GMDS: variants seen among roughly 807,000 people sequenced by gnomAD.
The protein encoded by GMDS is GDP-mannose 4,6 dehydratase.
GMDS carries 20 observed loss-of-function variants against 49.9 expected under a neutral mutation model. The ratio of observed to expected loss-of-function variants is 0.40; its 90% CI spans 0.28 to 0.58. The LOEUF (loss-of-function observed/expected upper bound fraction) is 0.58. Among genes scored for constraint, GMDS ranks in the 20% least tolerant of loss-of-function variants. The pLI is 0.42. For missense variants in GMDS, 362 were observed against 481.4 expected (o/e 0.75, Z 2.32); for synonymous variants, 177 against 178.6 (o/e 0.99, Z 0.07).
At chr6:1,982,184 T>C (rs764398314) in intron 4 of GMDS, among the ~76,000 whole-genome samples, 2 of 152,132 alleles carry the variant, frequency 1.3e-5, no homozygotes, top group Non-Finnish European at 2.9e-5. Flanking sequence ...TAGGTGTCTG[T>C]AATCCTAGCT....
rs570339716 is a variant in GMDS at position 2,012,119 on chromosome 6, G to GA, written c.346-51154dup. Among the ~76,000 whole-genome samples the GA allele has an allele frequency of 4.0e-3, 611 of 152,208 alleles. 8 individuals are homozygous for GA. The highest frequency in any genetic ancestry group is 0.014 in the African/African-American group (579 of 41,534). ...AGATATCACAGACTTGGAAGGGCAG[G>GA]AGGGGGGTGAGGGATGAGAAATTAC... On this transcript the variant is annotated intron_variant, in intron 4 of 10. Coordinates refer to ENST00000380815, the MANE Select transcript of GMDS (RefSeq NM_001500.4).
chr6:1,808,857 T>G (rs1770288775), intron 7 of GMDS, among the ~76,000 whole-genome samples: 1 of 152,062 alleles, frequency 6.6e-6, no homozygotes, highest in East Asian at 1.9e-4. Flanking sequence ...TTAAAAAAAA[T>G]CCTAAGCTTG....
chr6:2,087,970 A>G (rs1773107448), intron 4 of GMDS, among the ~76,000 whole-genome samples: 1 of 152,166 alleles, frequency 6.6e-6, no homozygotes, highest in Non-Finnish European at 1.5e-5. Context: ...CCTAACCTAA[A>G]AGGGCTGAAA....
At chr6:2,081,478 T>A (rs1772690348) in intron 4 of GMDS, among the ~76,000 whole-genome samples, 1 of 152,150 alleles carries the variant, frequency 6.6e-6, no homozygotes, top group Non-Finnish European at 1.5e-5. Context: ...CACATCCCTC[T>A]GCTCTGGAAT....
intron 1 of GMDS, among the ~76,000 whole-genome samples, chr6:2,154,863 CAAAAAAAAAAAA>C (rs70992124): frequency 1.5e-5 from 1 of 65,626 alleles, no homozygotes; most frequent in Non-Finnish European, 3.0e-5. Flanking sequence ...TGAAGAGATG[CAAAAAAAAAAAA>C]AAAAAAAAAA....
intron 9 of GMDS, among the ~76,000 whole-genome samples, chr6:1,668,442 G>A (rs1764302870): frequency 6.6e-6 from 1 of 152,202 alleles, no homozygotes; most frequent in African/African-American, 2.4e-5. Flanking sequence ...AGGCGCAATG[G>A]CTCATGCCTG....
chr6:1,729,333 G>A (rs1461319968), intron 8 of GMDS, among the ~76,000 whole-genome samples: 5 of 152,174 alleles, frequency 3.3e-5, no homozygotes, highest in African/African-American at 4.8e-5. Flanking sequence ...TCCCCTGCAC[G>A]ACTTTCTTGC....
chr6:1,750,640 G>T (rs1030224582), intron 7 of GMDS, among the ~76,000 whole-genome samples: 1 of 152,104 alleles, frequency 6.6e-6, no homozygotes, highest in Admixed American at 6.5e-5. Context: ...TGGGTTTCAA[G>T]CACAAAACTG....
chr6:1,924,849 T>C (rs1009331557), intron 7 of GMDS, among the ~76,000 whole-genome samples: 1 of 152,106 alleles, frequency 6.6e-6, no homozygotes, highest in Non-Finnish European at 1.5e-5. Context: ...TAAAAGCAGG[T>C]TGTAGAGGGG....
intron 7 of GMDS, among the ~76,000 whole-genome samples, chr6:1,916,782 G>C (rs1205857469): frequency 6.6e-6 from 1 of 152,112 alleles, no homozygotes; most frequent in Non-Finnish European, 1.5e-5. Context: ...TGTTTTCCCA[G>C]AGGCCCAGGC....
intron 4 of GMDS, among the ~76,000 whole-genome samples, chr6:2,080,595 CTGTGATT>C (rs1313202339): frequency 6.6e-6 from 1 of 152,150 alleles, no homozygotes; most frequent in Non-Finnish European, 1.5e-5. Flanking sequence ...CACCAGTTAT[CTGTGATT>C]TCCTCAGTAG....
chr6:2,032,293 G>A (rs919525411), intron 4 of GMDS, among the ~76,000 whole-genome samples: 1 of 152,166 alleles, frequency 6.6e-6, no homozygotes, highest in East Asian at 1.9e-4. Context: ...CCAGGTCAAG[G>A]ATGCCTTAAG....
intron 1 of GMDS, among the ~76,000 whole-genome samples, chr6:2,125,066 C>A (rs886980726): frequency 6.6e-6 from 1 of 152,122 alleles, no homozygotes. Flanking sequence ...GTGAAACATG[C>A]AGAATATGGG....
intron 7 of GMDS, among the ~76,000 whole-genome samples, chr6:1,759,176 C>A (rs1479015966): frequency 3.3e-5 from 5 of 152,144 alleles, no homozygotes; most frequent in Non-Finnish European, 7.3e-5. Context: ...ATCTCCACAA[C>A]CAAACTCTTG....
chr6:1,889,068 G>T (rs549163440), intron 7 of GMDS, among the ~76,000 whole-genome samples: 83 of 152,212 alleles, frequency 5.5e-4, no homozygotes, highest in Middle Eastern at 3.4e-3. Context: ...AAATATATAT[G>T]TATATATTTT....
At position 2,000,533 on chromosome 6, in the gene GMDS, T is replaced by A. The variant is rs543542064; in HGVS notation, c.346-39567A>T. Among the ~76,000 whole-genome samples the A allele has an allele frequency of 2.0e-5, 3 of 152,290 alleles. No homozygotes were observed. The East Asian group carries it at 5.8e-4, about 29-fold the overall frequency. ...TTTTGGACATTTCATGTAAATGTGG[T>A]CTTTTGTAAGCTACCTCTTTCGATT... On this transcript the variant is annotated intron_variant, in intron 4 of 10. Transcript: ENST00000380815.
chr6:1,833,728 A>G lies in GMDS; in HGVS notation c.772-91142T>C, dbSNP rs1163962460. ...AGGTTGTTTAAAAAACCATTTTCAC[A>G]TGGAAGGGCAGTGGGTTGAAAGATC... On this transcript the variant is annotated intron_variant, in intron 7 of 10. Coordinates refer to ENST00000380815, the MANE Select transcript of GMDS (RefSeq NM_001500.4). The surrounding 1 kb of genome is among the most constrained non-coding windows in gnomAD (Gnocchi z 4.4). Among the ~76,000 whole-genome samples the G allele has an allele frequency of 2.0e-5, 3 of 152,232 alleles. No individual in the cohort carries two copies. The highest frequency in any genetic ancestry group is 4.4e-5 in the Non-Finnish European group (3 of 68,032).
chr6:2,037,547 G>A (rs758883809), intron 4 of GMDS, among the ~76,000 whole-genome samples: 59 of 152,294 alleles, frequency 3.9e-4, no homozygotes, highest in Non-Finnish European at 5.7e-4. Flanking sequence ...AAACAGACGA[G>A]AAGTACAATC....
In GMDS at chr6:2,225,674, T is replaced by C. The variant is rs538508741; in HGVS notation, c.102+19647A>G. 5.5e-3 allele frequency among the ~76,000 whole-genome samples: 833 copies of C among 152,274 alleles called. 2 individuals carry two copies. Among genetic ancestry groups the C allele is most frequent in the Middle Eastern group, 0.017 (5 of 294 alleles). ...TACAGCACAAAGGAAGTAAAAAGCC[T>C]TTGTGATTATCCAGTAAGCTAGGGA... On this transcript the variant is annotated intron_variant, in intron 1 of 10. Transcript: ENST00000380815.
Sources: gnomAD v4.1 joint callset for allele counts (sites outside exome capture counted in the v4.1 genomes callset) on GRCh38, gnomAD v4.1.1 for gene constraint, Gnocchi (gnomAD v3.1) non-coding constraint, MANE v1.5 for transcripts, NCBI Gene and HGNC (gene_info 2026-07-23, HGNC 2026-07-21) for gene names.